Variants in GRM7 observed in about 807,000 individuals in gnomAD.
GRM7 encodes the protein glutamate metabotropic receptor 7.
GRM7 carries 35 observed loss-of-function variants against 84.5 expected under a neutral mutation model. The ratio of observed to expected loss-of-function variants is 0.41; its 90% CI spans 0.32 to 0.55. The LOEUF (loss-of-function observed/expected upper bound fraction) is 0.55. Ranked by LOEUF, GRM7 falls within the 20% of genes least tolerant of loss-of-function variation. GRM7 has a pLI of 0.19. For synonymous variants in GRM7, 487 were observed against 455.1 expected, an observed-to-expected ratio of 1.07 and a Z score of -0.89; for missense variants, 1,003 against 1,194.6, an observed-to-expected ratio of 0.84 and a Z score of 2.36.
intron 7 of GRM7, among the ~76,000 whole-genome samples, chr3:7,543,189 A>G (rs992140142): frequency 2.6e-5 from 4 of 152,204 alleles, no homozygotes; most frequent in African/African-American, 9.6e-5. Flanking sequence ...GGTTAATAGG[A>G]GACAGCACTA....
chr3:7,573,614 G>C (rs1257686273), intron 7 of GRM7, among the ~76,000 whole-genome samples: 1 of 152,154 alleles, frequency 6.6e-6, no homozygotes, highest in East Asian at 1.9e-4. Context: ...ATTCCTTGCG[G>C]AGTAGCTTTG....
At chr3:7,545,989 C>G (rs558867849) in intron 7 of GRM7, among the ~76,000 whole-genome samples, 2 of 152,260 alleles carry the variant, frequency 1.3e-5, no homozygotes, top group African/African-American at 4.8e-5. Context: ...GTATTAAATA[C>G]AGTATATAAA....
chr3:7,064,485 C>CATATATATATATATATATAT (rs1559415433), intron 1 of GRM7, among the ~76,000 whole-genome samples: 5 of 61,754 alleles, frequency 8.1e-5, no homozygotes, highest in Admixed American at 1.7e-4. Flanking sequence ...TATATACACA[C>CATATATATATATATATATAT]ATATACATAT....
At chr3:7,477,570 A>ACC (rs1698972500) in intron 7 of GRM7, among the ~76,000 whole-genome samples, 1 of 152,216 alleles carries the variant, frequency 6.6e-6, no homozygotes, top group Non-Finnish European at 1.5e-5. Context: ...TTCAAGAGTG[A>ACC]AGGCTCCACC....
rs536840846 is a variant in GRM7 at position 7,379,740 on chromosome 3, A to G, written c.1034-35283A>G. 6.6e-4 allele frequency among the ~76,000 whole-genome samples: 101 copies of G among 152,256 alleles called. 1 individual carries two copies. The Middle Eastern group carries it at 0.017, about 26-fold the overall frequency. On this transcript the variant is annotated intron_variant, in intron 4 of 9. Transcript: ENST00000357716. ...TATAAAACCAACCACTTTTGGGAAC[A>G]TGTTTTACATATGTTCCTTCTGTTT... is the stretch of plus-strand genomic sequence containing the variant.
Position 7,215,622 on chromosome 3 carries a change from G to A in GRM7, c.736+68954G>A, listed in dbSNP as rs937799969. Among the ~76,000 whole-genome samples, 21 of 151,920 alleles carry A rather than the reference G, an allele frequency of 1.4e-4. 1 individual carries two copies. The East Asian group carries it at 1.6e-3, about 11-fold the overall frequency. On this transcript the variant is annotated intron_variant, in intron 2 of 9. Coordinates refer to ENST00000357716, the MANE Select transcript of GRM7 (RefSeq NM_000844.4). ...GGAGCTTGCAGTGAGCTGAGATCGCGCCACTGCACTCCAGCCTGGGCGACA... is the reference window on the plus strand; with the variant it reads ...GGAGCTTGCAGTGAGCTGAGATCGCACCACTGCACTCCAGCCTGGGCGACA...
Position 7,572,826 on chromosome 3 carries a change from ATATATATATAT to A in GRM7, c.1516-5595_1516-5585del, listed in dbSNP as rs1694748350. 2.4e-3 allele frequency among the ~76,000 whole-genome samples: 153 copies of A among 62,522 alleles called. 10 individuals carry two copies. The highest frequency in any genetic ancestry group is 0.01 in the African/African-American group (144 of 13,946). 41.0% of individuals were successfully genotyped at this position (62,522 alleles called of 152,430 possible). A position where few individuals can be genotyped will look rare whatever the true frequency, so the allele number is the denominator to read the frequency against. On this transcript the variant is annotated intron_variant, in intron 7 of 9. Coordinates refer to ENST00000357716, the MANE Select transcript of GRM7 (RefSeq NM_000844.4). ...GACAGAGTGAGACTCTATCTCAAATATATATATATATATATATATATATATATATATATATA... is the reference window on the plus strand; with the variant it reads ...GACAGAGTGAGACTCTATCTCAAATAATATATATATATATATATATATATA...
chr3:6,893,820 C>A (rs1696065056), intron 1 of GRM7: 1 of 152,084 alleles, frequency 6.6e-6, no homozygotes, highest in Non-Finnish European at 1.5e-5. Flanking sequence ...ATTCATCAGA[C>A]CCTACATTTT....
rs547709358 is a variant in GRM7 at position 7,419,480 on chromosome 3, T to C, written c.1174+4317T>C. 1.8e-3 allele frequency among the ~76,000 whole-genome samples: 269 copies of C among 152,282 alleles called. 2 individuals are homozygous for C. The highest frequency in any genetic ancestry group is 6.1e-3 in the African/African-American group (253 of 41,560). On this transcript the variant is annotated intron_variant, in intron 5 of 9. Coordinates refer to ENST00000357716, the MANE Select transcript of GRM7 (RefSeq NM_000844.4). ...CAAGAGTGTAACACTCAACATCTCATATCCCAACATTTGCTCATCTTCTTC... is the reference window on the plus strand; with the variant it reads ...CAAGAGTGTAACACTCAACATCTCACATCCCAACATTTGCTCATCTTCTTC...
chr3:7,569,920 G>A lies in GRM7; in HGVS notation c.1516-8502G>A, dbSNP rs190417306. On this transcript the variant is annotated intron_variant, in intron 7 of 9. Transcript: ENST00000357716. Reference sequence around the variant, plus strand: ...ACTGCAACACTCACCGCGAGGGTCCGTGGCTTCATTCTTGAAGTCAGTGAG... The same window carrying A: ...ACTGCAACACTCACCGCGAGGGTCCATGGCTTCATTCTTGAAGTCAGTGAG... Among the ~76,000 whole-genome samples, 119 of 152,300 alleles carry A rather than the reference G, an allele frequency of 7.8e-4. 1 individual carries two copies. The highest frequency in any genetic ancestry group is 2.6e-3 in the African/African-American group (107 of 41,554).
chr3:7,007,538 C>G (rs909719017), intron 1 of GRM7, among the ~76,000 whole-genome samples: 3 of 152,120 alleles, frequency 2.0e-5, no homozygotes, highest in African/African-American at 7.2e-5. Context: ...ATCTTACATT[C>G]CCTTTTCTTT....
chr3:6,916,377 T>C (rs1489177987), intron 1 of GRM7, among the ~76,000 whole-genome samples: 2 of 152,228 alleles, frequency 1.3e-5, no homozygotes, highest in African/African-American at 2.4e-5. Context: ...GAAAGACTTT[T>C]CTAAGTGCTA....
chr3:7,010,360 A>G (rs1695330006), intron 1 of GRM7, among the ~76,000 whole-genome samples: 1 of 152,198 alleles, frequency 6.6e-6, no homozygotes, highest in South Asian at 2.1e-4. Flanking sequence ...AGGCAGGGGC[A>G]CAAGAATTGC....
chr3:7,587,817 G>T (rs1236418083), intron 8 of GRM7, among the ~76,000 whole-genome samples: 1 of 152,168 alleles, frequency 6.6e-6, no homozygotes, highest in Non-Finnish European at 1.5e-5. Flanking sequence ...GAAGGGTGCA[G>T]AAGAATGAGA....
intron 9 of GRM7, among the ~76,000 whole-genome samples, chr3:7,706,090 C>T (rs1193724255): frequency 6.6e-6 from 1 of 152,128 alleles, no homozygotes; most frequent in Non-Finnish European, 1.5e-5. Flanking sequence ...CACTTCACCA[C>T]CCATAATAAA....
At chr3:6,917,104 G>T (rs796564242) in intron 1 of GRM7, among the ~76,000 whole-genome samples, 4 of 152,224 alleles carry the variant, frequency 2.6e-5, no homozygotes, top group African/African-American at 9.6e-5. Flanking sequence ...TAAAGTCTTT[G>T]TACCTCAGTT....
At chr3:7,612,434 ACT>A (rs1696889099) in intron 8 of GRM7, among the ~76,000 whole-genome samples, 2 of 152,062 alleles carry the variant, frequency 1.3e-5, no homozygotes, top group Non-Finnish European at 2.9e-5. Flanking sequence ...TGAGGAGGAA[ACT>A]CTGAGCTGAA....
At chr3:7,091,834 G>A (rs1270565714) in intron 1 of GRM7, among the ~76,000 whole-genome samples, 3 of 150,844 alleles carry the variant, frequency 2.0e-5, no homozygotes, top group Non-Finnish European at 4.4e-5. Context: ...ATGCTACATG[G>A]TACTTTATGT....
chr3:7,230,132 C>A (rs1697147479), intron 2 of GRM7, among the ~76,000 whole-genome samples: 1 of 151,970 alleles, frequency 6.6e-6, no homozygotes, highest in Non-Finnish European at 1.5e-5. Context: ...AGCCACCGCG[C>A]CTGGCCTCTT....
Sources: allele counts gnomAD v4.1 joint callset (sites outside exome capture counted in the v4.1 genomes callset), GRCh38; gene constraint gnomAD v4.1.1; transcripts MANE v1.5; gene names NCBI Gene and HGNC (gene_info 2026-07-23, HGNC 2026-07-21).